The following FBLN7 variants were observed in gnomAD, a reference collection of about 807,000 sequenced individuals.
The protein encoded by FBLN7 is fibulin 7.
Under a neutral mutation model 44.0 loss-of-function variants are expected in FBLN7, and 31 were observed. The observed-to-expected ratio is 0.70, with a 90% CI of 0.53 to 0.95. The LOEUF is 0.95. Ranked by LOEUF, FBLN7 falls within the 40% of genes least tolerant of loss-of-function variation. FBLN7 has a pLI of 0.00. For synonymous variants in FBLN7, 262 were observed against 253.4 expected, an observed-to-expected ratio of 1.03 and a Z score of -0.32; for missense variants, 573 against 618.5, an observed-to-expected ratio of 0.93 and a Z score of 0.78.
chr2:112,175,027 A>C (rs1682666160), intron 3 of FBLN7, among the ~76,000 whole-genome samples: 1 of 152,164 alleles, frequency 6.6e-6, no homozygotes, highest in African/African-American at 2.4e-5. Flanking sequence ...AAAAAAGTCT[A>C]CTGAGCTTTT....
At chr2:112,204,146 A>T in the FBLN7 span, among the ~76,000 whole-genome samples, 8 of 152,264 alleles carry the variant, frequency 5.3e-5, no homozygotes, top group South Asian at 1.7e-3. Flanking sequence ...ACAAATAGAA[A>T]TATTAAGTTG....
chr2:112,155,995 G>A (rs967325275), intron 1 of FBLN7, among the ~76,000 whole-genome samples: 16 of 152,300 alleles, frequency 1.1e-4, no homozygotes, highest in African/African-American at 3.1e-4. Context: ...CTGCGGCTCC[G>A]CGAACCCACT....
At chr2:112,232,429 T>C in the FBLN7 span, among the ~76,000 whole-genome samples, 1 of 152,062 alleles carries the variant, frequency 6.6e-6, no homozygotes, top group African/African-American at 2.4e-5. Flanking sequence ...TTAGAAGGAC[T>C]ACATACGTAA....
intron 2 of FBLN7, among the ~76,000 whole-genome samples, chr2:112,160,755 CACACGCACGCACACGCAG>C (rs1357512043): frequency 1.1e-5 from 1 of 87,998 alleles, no homozygotes; most frequent in Non-Finnish European, 2.5e-5. Context: ...CGCGCACGCA[CACACGCACGCACACGCAG>C]ACGCACACGC....
At chr2:112,183,834 T>G (rs1683118718) in intron 6 of FBLN7, among the ~76,000 whole-genome samples, 1 of 152,020 alleles carries the variant, frequency 6.6e-6, no homozygotes, top group Non-Finnish European at 1.5e-5. Flanking sequence ...GGGAGGCACC[T>G]AAGAGATTAG....
At chr2:112,236,208 G>A in the FBLN7 span, among the ~76,000 whole-genome samples, 3 of 152,046 alleles carry the variant, frequency 2.0e-5, no homozygotes, top group Admixed American at 2.0e-4. Context: ...AGCTTGCAGT[G>A]AGCCGAGATC....
At chr2:112,215,029 C>T in the FBLN7 span, 1 of 151,930 alleles carries the variant, frequency 6.6e-6, no homozygotes, top group Non-Finnish European at 1.5e-5. Flanking sequence ...AGAAATATAA[C>T]AATTATTTTT....
intron 7 of FBLN7, among the ~76,000 whole-genome samples, chr2:112,186,894 G>A (rs146114573): frequency 4.6e-5 from 7 of 152,232 alleles, no homozygotes; most frequent in African/African-American, 7.2e-5. Flanking sequence ...ACATACACAC[G>A]TACACAGGTG....
the FBLN7 span, chr2:112,232,063 C>A: frequency 9.8e-6 from 5 of 511,784 alleles, no homozygotes; most frequent in Non-Finnish European, 1.6e-5. Context: ...GTGGCTCATG[C>A]CTGTAGGAGG....
intron 3 of FBLN7, among the ~76,000 whole-genome samples, chr2:112,172,890 T>C (rs1231303864): frequency 6.6e-6 from 1 of 152,158 alleles, no homozygotes; most frequent in Non-Finnish European, 1.5e-5. Flanking sequence ...CGCCTCAACC[T>C]CCCAAAGTGC....
the FBLN7 span, among the ~76,000 whole-genome samples, chr2:112,236,312 A>G: frequency 3.3e-5 from 5 of 152,200 alleles, no homozygotes; most frequent in Non-Finnish European, 5.9e-5. Flanking sequence ...GCATATATTC[A>G]GGAACAACAG....
the FBLN7 span, chr2:112,238,239 A>C: frequency 7.1e-7 from 1 of 1,417,986 alleles, no homozygotes; most frequent in Non-Finnish European, 9.6e-7. Flanking sequence ...GCAAAGAAAA[A>C]TCCTCTGTCC....
At chr2:112,217,661 C>T in the FBLN7 span, among the ~76,000 whole-genome samples, 1 of 152,140 alleles carries the variant, frequency 6.6e-6, no homozygotes, top group Non-Finnish European at 1.5e-5. Context: ...ACCAATGAAT[C>T]TTGCCAAAAC....
At chr2:112,197,568 A>G in the FBLN7 span, among the ~76,000 whole-genome samples, 1 of 152,160 alleles carries the variant, frequency 6.6e-6, no homozygotes, top group Non-Finnish European at 1.5e-5. Flanking sequence ...GAACACACCT[A>G]GTATCCCAAC....
chr2:112,222,438 A>G, the FBLN7 span, among the ~76,000 whole-genome samples: 1 of 152,164 alleles, frequency 6.6e-6, no homozygotes, highest in South Asian at 2.1e-4. Context: ...TCCAGGGCAA[A>G]AGGAGGCTGT....
Position 112,144,523 on chromosome 2 carries a change from CTTTT to C in FBLN7, c.75+5809_75+5812del, listed in dbSNP as rs35764058. ...TTTGTTTTTGTTTTTGTTTTCTTTT[CTTTT>C]TTTTTTTTTTTTTTTGAGACGGAGT... On this transcript the variant is annotated intron_variant, in intron 1 of 7. Transcript: ENST00000331203. Among the ~76,000 whole-genome samples, 288 of 123,760 alleles carry C rather than the reference CTTTT, an allele frequency of 2.3e-3. 1 individual carries two copies. Among genetic ancestry groups the C allele is most frequent in the South Asian group, 9.6e-3 (38 of 3,966 alleles). The allele number at this position is 123,760 out of a possible 152,430, so 81.2% of individuals were successfully genotyped here. A position where few individuals can be genotyped will look rare whatever the true frequency, so the allele number is the denominator to read the frequency against.
chr2:112,232,011 G>A, the FBLN7 span: 73 of 1,015,122 alleles, frequency 7.2e-5, no homozygotes, highest in Non-Finnish European at 1.0e-4. Flanking sequence ...TTAACTTAAT[G>A]ACTTTATTTT....
At chr2:112,217,546 T>C in the FBLN7 span, among the ~76,000 whole-genome samples, 1 of 152,242 alleles carries the variant, frequency 6.6e-6, no homozygotes, top group African/African-American at 2.4e-5. Context: ...TCTGTCATAT[T>C]GTGCATTGTT....
At chr2:112,163,885 G>A (rs968417355) in intron 2 of FBLN7, among the ~76,000 whole-genome samples, 3 of 152,042 alleles carry the variant, frequency 2.0e-5, no homozygotes, top group South Asian at 4.2e-4. Flanking sequence ...TTGCCTCCTT[G>A]ACATTCCTCA....
Sources: allele counts gnomAD v4.1 joint callset (sites outside exome capture counted in the v4.1 genomes callset), GRCh38; gene constraint gnomAD v4.1.1; transcripts MANE v1.5; gene names NCBI Gene and HGNC (gene_info 2026-07-23, HGNC 2026-07-21).